CKLF: variants seen among roughly 807,000 people sequenced by gnomAD.
CKLF encodes chemokine like factor.
In CKLF, 16 loss-of-function variants were observed where a neutral mutation model predicts 12.9. That is an observed-to-expected ratio of 1.24 (90% CI 0.84 to 1.88). CKLF has a LOEUF of 1.88. Ranked by LOEUF, CKLF falls within the 40% of genes most tolerant of loss-of-function variation. CKLF has a pLI of 0.00. For synonymous variants in CKLF, 61 were observed against 69.0 expected, an observed-to-expected ratio of 0.88 and a Z score of 0.57; for missense variants, 172 against 188.5, an observed-to-expected ratio of 0.91 and a Z score of 0.51.
intron 1 of CKLF, among the ~76,000 whole-genome samples, chr16:66,555,537 T>C (rs16956664): frequency 0.063 from 9,585 of 152,222 alleles, 448 homozygotes; most frequent in East Asian, 0.12. Flanking sequence ...GGAGTCACCA[T>C]CCACTGAGAT....
At chr16:66,557,627 A>G (rs2011498472) in intron 1 of CKLF, among the ~76,000 whole-genome samples, 1 of 152,248 alleles carries the variant, frequency 6.6e-6, no homozygotes, top group Non-Finnish European at 1.5e-5. Flanking sequence ...GAAGCATAAC[A>G]ACAGTAGAAA....
At chr16:66,555,955 G>A (rs937940191) in intron 1 of CKLF, among the ~76,000 whole-genome samples, 2 of 152,168 alleles carry the variant, frequency 1.3e-5, no homozygotes, top group Non-Finnish European at 2.9e-5. Flanking sequence ...ACCAGTTGAG[G>A]TTGTGAATCC....
intron 3 of CKLF, among the ~76,000 whole-genome samples, chr16:66,564,156 T>G (rs2011958682): frequency 1.3e-5 from 2 of 152,232 alleles, no homozygotes; most frequent in Non-Finnish European, 2.9e-5. Flanking sequence ...TTACTTTCAT[T>G]CACTTTTTTA....
At chr16:66,565,585 G>A (rs184262030) in intron 3 of CKLF, 5 of 367,530 alleles carry the variant, frequency 1.4e-5, no homozygotes, top group African/African-American at 8.1e-5. Flanking sequence ...AAGAATACAT[G>A]CAAGAGCAGG....
intron 2 of CKLF, among the ~76,000 whole-genome samples, chr16:66,560,277 C>A (rs1480106189): frequency 6.6e-6 from 1 of 152,046 alleles, no homozygotes. Context: ...AGAGCTGGGG[C>A]AAGAGTGAGG....
chr16:66,552,614 G>A lies in CKLF; in HGVS notation c.-102G>A. The A allele has an allele frequency of 1.3e-6, 2 of 1,575,312 alleles. No individual in the cohort carries two copies. The highest frequency in any genetic ancestry group is 1.7e-6 in the Non-Finnish European group (2 of 1,149,652). On this transcript the variant is annotated 5_prime_UTR_variant, in exon 1 of 4. It adds an upstream start codon to the 5' untranslated region. Coordinates refer to ENST00000264001, the MANE Select transcript of CKLF (RefSeq NM_016951.4). ...GCTGGGCGAGAAGTAGGGGAGGGCGGTGCTCCGCCGCGGTGGCGGTTGCTA... is the reference window on the plus strand; with the variant it reads ...GCTGGGCGAGAAGTAGGGGAGGGCGATGCTCCGCCGCGGTGGCGGTTGCTA...
At chr16:66,563,240 G>T (rs2232726) in intron 3 of CKLF, 23 bp downstream of exon 3, 70,184 of 1,609,702 alleles carry the variant, frequency 0.044, 3,193 homozygotes, top group Admixed American at 0.18. Context: ...CTTTCTGCTT[G>T]CTTTCTTCAG....
At chr16:66,563,263 T>A in intron 3 of CKLF, 46 bp downstream of exon 3, 5 of 1,600,610 alleles carry the variant, frequency 3.1e-6, no homozygotes, top group Non-Finnish European at 4.3e-6. Flanking sequence ...TTTATCAGAA[T>A]GCAAATTTAC....
At position 66,552,724 on chromosome 16, in the gene CKLF, C is replaced by T. The variant is rs573128879; in HGVS notation, c.9C>T (p.Asn3=). 4.3e-6 allele frequency: 7 copies of T among 1,614,130 alleles called. No individual in the cohort carries two copies. The South Asian group carries it at 4.4e-5, about 10-fold the overall frequency. The change falls in exon 1 of 4, where the codon AAC becomes AAT. Residue 3 remains asparagine, a synonymous_variant. Coordinates refer to ENST00000264001, the MANE Select transcript of CKLF (RefSeq NM_016951.4). MD[N]VQPKIKHRPF... ...CTGGGTCTGCAGACGCGATGGATAA[C>T]GTGCAGCCGAAAATAAAACATCGCC...
In CKLF at chr16:66,552,625, C is replaced by T; in HGVS notation, c.-91C>T. On this transcript the variant is annotated 5_prime_UTR_variant, in exon 1 of 4. Transcript: ENST00000264001. ...AGTAGGGGAGGGCGGTGCTCCGCCG[C>T]GGTGGCGGTTGCTATCGCTTCGCAG... 1.3e-6 allele frequency: 2 copies of T among 1,592,880 alleles called. No individual in the cohort carries two copies. The highest frequency in any genetic ancestry group is 1.7e-6 in the Non-Finnish European group (2 of 1,163,228).
At chr16:66,565,447 C>T (rs990241118) in intron 3 of CKLF, among the ~76,000 whole-genome samples, 7 of 152,332 alleles carry the variant, frequency 4.6e-5, no homozygotes, top group African/African-American at 1.4e-4. Flanking sequence ...GAGCTACAGT[C>T]CCCATGATTT....
chr16:66,552,976 G>A (rs980103900), intron 1 of CKLF, among the ~76,000 whole-genome samples, 183 bp downstream of exon 1: 1 of 152,182 alleles, frequency 6.6e-6, no homozygotes, highest in Non-Finnish European at 1.5e-5. Context: ...CCCCTTAGGA[G>A]GGTTTAGGGA....
chr16:66,561,569 G>A (rs541604970), intron 2 of CKLF, among the ~76,000 whole-genome samples: 1 of 152,206 alleles, frequency 6.6e-6, no homozygotes, highest in African/African-American at 2.4e-5. Flanking sequence ...TTGCTCACAG[G>A]AGGCAGGCTG....
At chr16:66,558,153 G>T (rs1458439477) in intron 1 of CKLF, 37 bp from the exon 2 acceptor site, 1 of 1,598,024 alleles carries the variant, frequency 6.3e-7, no homozygotes, top group African/African-American at 1.4e-5. Flanking sequence ...TTTGTATTCA[G>T]TTGTCACTGA....
chr16:66,558,742 C>A (rs920071412), intron 2 of CKLF, among the ~76,000 whole-genome samples: 1 of 152,048 alleles, frequency 6.6e-6, no homozygotes, highest in African/African-American at 2.4e-5. Context: ...ACACAAGTAT[C>A]TATCCTTGCA....
chr16:66,558,927 TG>T (rs1354191880), intron 2 of CKLF, among the ~76,000 whole-genome samples: 1 of 152,252 alleles, frequency 6.6e-6, no homozygotes, highest in Non-Finnish European at 1.5e-5. Context: ...CCCAGTGGAA[TG>T]CCCAGATGGT....
chr16:66,563,897 G>T (rs1364699739), intron 3 of CKLF, among the ~76,000 whole-genome samples: 1 of 152,198 alleles, frequency 6.6e-6, no homozygotes, highest in Non-Finnish European at 1.5e-5. Flanking sequence ...CTGACCTAGA[G>T]AATTGAATTA....
At chr16:66,561,197 A>T (rs773924332) in intron 2 of CKLF, among the ~76,000 whole-genome samples, 2 of 152,032 alleles carry the variant, frequency 1.3e-5, no homozygotes, top group Non-Finnish European at 2.9e-5. Context: ...GGTCATCTCC[A>T]TTCAAATTGT....
intron 3 of CKLF, 109 bp from the exon 4 acceptor site, chr16:66,565,777 C>T: frequency 1.0e-6 from 1 of 964,788 alleles, no homozygotes; most frequent in Non-Finnish European, 1.6e-6. Flanking sequence ...AGGGAGCAAT[C>T]CGAGTACCCT....
Sources: gnomAD v4.1 joint callset for allele counts (sites outside exome capture counted in the v4.1 genomes callset) on GRCh38, gnomAD v4.1.1 for gene constraint, MANE v1.5 for transcripts, NCBI Gene and HGNC (gene_info 2026-07-23, HGNC 2026-07-21) for gene names.